DNAJB6: variants seen among roughly 807,000 people sequenced by gnomAD.
DNAJB6 encodes the protein DnaJ heat shock protein family (Hsp40) member B6, also known as dnaJ homolog subfamily B member 6.
DNAJB6 carries 16 observed loss-of-function variants against 42.7 expected under a neutral mutation model. The ratio of observed to expected loss-of-function variants is 0.37; its 90% CI spans 0.25 to 0.57. The LOEUF (loss-of-function observed/expected upper bound fraction) is 0.57, where lower values mean the gene tolerates loss of function less well. Among genes scored for constraint, DNAJB6 ranks in the 20% least tolerant of loss-of-function variants. The pLI, the probability that DNAJB6 is intolerant of heterozygous loss-of-function variation, is 0.74. For missense variants in DNAJB6, 347 were observed against 416.8 expected, an observed-to-expected ratio of 0.83 and a Z score of 1.46; for synonymous variants, 170 against 163.5, an observed-to-expected ratio of 1.04 and a Z score of -0.30.
At chr7:157,369,650 A>G (rs573718218) in intron 5 of DNAJB6, among the ~76,000 whole-genome samples, 26 of 146,942 alleles carry the variant, frequency 1.8e-4, no homozygotes, top group African/African-American at 5.4e-4. Flanking sequence ...TCTTCACATT[A>G]TTATTAAACA....
intron 1 of DNAJB6, among the ~76,000 whole-genome samples, chr7:157,357,453 AGGTGT>A (rs1799366326): frequency 6.6e-6 from 1 of 150,730 alleles, no homozygotes; most frequent in Non-Finnish European, 1.5e-5. Context: ...CTGGGACTAC[AGGTGT>A]GCACCACGAT....
At chr7:157,404,321 T>TAA (rs1215964261) in intron 8 of DNAJB6, among the ~76,000 whole-genome samples, 2 of 146,546 alleles carry the variant, frequency 1.4e-5, no homozygotes, top group East Asian at 4.2e-4. Context: ...GACAAAGTCT[T>TAA]AATCTGTCAG....
intron 8 of DNAJB6, among the ~76,000 whole-genome samples, chr7:157,386,507 A>G (rs559160274): frequency 6.6e-6 from 1 of 152,328 alleles, no homozygotes; most frequent in South Asian, 2.1e-4. Context: ...CAAACATTTA[A>G]TTATGGTAAC....
Position 157,416,283 on chromosome 7 carries a change from T to G in DNAJB6, c.*185T>G, listed in dbSNP as rs1413595238. The G allele has an allele frequency of 2.1e-5, 18 of 876,778 alleles. No homozygotes were observed. The highest frequency in any genetic ancestry group is 3.0e-5 in the Non-Finnish European group (18 of 590,404). The allele number at this position is 876,778 out of a possible 1,614,324, so 54.3% of individuals were successfully genotyped here. A position where few individuals can be genotyped will look rare whatever the true frequency, so the allele number is the denominator to read the frequency against. ...CAGGAGACGGGGCTGACGGCACGGG[T>G]GGCGGGGACAGACGTTTGGGACTTG... On this transcript the variant is annotated 3_prime_UTR_variant, in exon 10 of 10. Coordinates refer to ENST00000262177, the MANE Select transcript of DNAJB6 (RefSeq NM_058246.4).
At chr7:157,373,865 G>GTCTTTTTAAATA (rs1420045578) in intron 5 of DNAJB6, among the ~76,000 whole-genome samples, 18 of 152,238 alleles carry the variant, frequency 1.2e-4, no homozygotes, top group African/African-American at 4.1e-4. Context: ...AAGTTAAGGA[G>GTCTTTTTAAATA]TCTTTTTAAA....
intron 1 of DNAJB6, among the ~76,000 whole-genome samples, chr7:157,348,818 C>T (rs961462095): frequency 9.9e-5 from 15 of 152,116 alleles, no homozygotes; most frequent in African/African-American, 2.2e-4. Flanking sequence ...CTCACACTGA[C>T]GTTCCACCCT....
intron 5 of DNAJB6, among the ~76,000 whole-genome samples, chr7:157,373,016 T>C (rs1022353651): frequency 6.6e-6 from 1 of 152,212 alleles, no homozygotes; most frequent in Non-Finnish European, 1.5e-5. Flanking sequence ...GCAGTCTTCC[T>C]TCCTCAGCCT....
intron 8 of DNAJB6, among the ~76,000 whole-genome samples, chr7:157,406,114 G>A (rs1241873971): frequency 3.9e-5 from 6 of 152,230 alleles, no homozygotes; most frequent in African/African-American, 9.6e-5. Flanking sequence ...GACCAACTGT[G>A]TGTCCCTTTT....
intron 8 of DNAJB6, among the ~76,000 whole-genome samples, chr7:157,402,371 C>T (rs1200337904): frequency 6.6e-6 from 1 of 152,196 alleles, no homozygotes; most frequent in Non-Finnish European, 1.5e-5. Context: ...GCGGGTGCAG[C>T]ACAGTCCCAC....
At chr7:157,404,155 G>C (rs1795657330) in intron 8 of DNAJB6, among the ~76,000 whole-genome samples, 1 of 151,758 alleles carries the variant, frequency 6.6e-6, no homozygotes, top group African/African-American at 2.4e-5. Context: ...TTTTTGTAGA[G>C]ATGGGGTCTC....
intron 8 of DNAJB6, among the ~76,000 whole-genome samples, chr7:157,409,437 T>C (rs1795891297): frequency 6.6e-6 from 1 of 152,204 alleles, no homozygotes; most frequent in Admixed American, 6.5e-5. Context: ...TTCCCCAGGG[T>C]GGCTCAGCTG....
rs192826704 is a variant in DNAJB6 at position 157,362,769 on chromosome 7, A to G, written c.66-392A>G. The stretch of plus-strand genomic sequence containing the variant: ...CTATCTCTAGAGGTTCGTTTGTATT[A>G]TGCTATCAGGATTTTTATTCTAAAA... On this transcript the variant is annotated intron_variant, in intron 2 of 9. Transcript: ENST00000262177. Among the ~76,000 whole-genome samples, 495 of 152,300 alleles carry G rather than the reference A, an allele frequency of 3.3e-3. 3 individuals carry two copies. Among genetic ancestry groups the G allele is most frequent in the South Asian group, 0.028 (135 of 4,834 alleles).
chr7:157,362,976 G>T (rs1799678384), intron 2 of DNAJB6, among the ~76,000 whole-genome samples, 185 bp from the exon 3 acceptor site: 1 of 152,198 alleles, frequency 6.6e-6, no homozygotes, highest in South Asian at 2.1e-4. Context: ...ACTACGCCTG[G>T]CTATCTGGAT....
At chr7:157,402,534 A>G (rs913282817) in intron 8 of DNAJB6, among the ~76,000 whole-genome samples, 3 of 152,174 alleles carry the variant, frequency 2.0e-5, no homozygotes, top group African/African-American at 7.2e-5. Context: ...CATGGTGTCC[A>G]TCTCCATTCA....
chr7:157,370,143 GATTATTAAACGGGCCCCTTCTTAACATT>G (rs1290408808), intron 5 of DNAJB6, among the ~76,000 whole-genome samples: 22 of 88,588 alleles, frequency 2.5e-4, no homozygotes, highest in African/African-American at 8.7e-4. Context: ...CCCTTCTTAA[GATTATTAAACGGGCCCCTTCTTAACATT>G]ATTATTAAAC....
intron 8 of DNAJB6, among the ~76,000 whole-genome samples, chr7:157,399,067 T>A (rs746780201): frequency 3.3e-5 from 5 of 152,228 alleles, no homozygotes; most frequent in South Asian, 2.1e-4. Flanking sequence ...GTGAATGCCC[T>A]TTTTTGGTTT....
chr7:157,404,393 G>A (rs1303492351), intron 8 of DNAJB6, among the ~76,000 whole-genome samples: 3 of 148,654 alleles, frequency 2.0e-5, no homozygotes, highest in Middle Eastern at 3.3e-3. Context: ...CTCGGCTCAA[G>A]TAATTCTCCC....
At chr7:157,391,242 A>G (rs1223780068) in intron 8 of DNAJB6, among the ~76,000 whole-genome samples, 1 of 152,166 alleles carries the variant, frequency 6.6e-6, no homozygotes, top group Admixed American at 6.5e-5. Flanking sequence ...AGCCTGCGTG[A>G]GACACGTTTC....
rs962098387 is a variant in DNAJB6, at chr7:157,355,264, C to T, written c.-26-3283C>T. On this transcript the variant is annotated intron_variant, in intron 1 of 9. Transcript: ENST00000262177. The stretch of plus-strand genomic sequence containing the variant: ...AGGCTCCGCCTCCCGGGGTTCACGC[C>T]GTTCTCCTGCCTCACCATCCCGAGT... Among the ~76,000 whole-genome samples, 3 of 152,220 alleles carry T rather than the reference C, an allele frequency of 2.0e-5. No homozygotes were observed. In the East Asian group the frequency reaches 5.8e-4, roughly 29 times the overall value.
Sources: gnomAD v4.1 joint callset for allele counts (sites outside exome capture counted in the v4.1 genomes callset) on GRCh38, gnomAD v4.1.1 for gene constraint, MANE v1.5 for transcripts, NCBI Gene and HGNC (gene_info 2026-07-23, HGNC 2026-07-21) for gene names.